The following VPS13B variants were observed in gnomAD, a reference collection of about 807,000 sequenced individuals.
VPS13B encodes intermembrane lipid transfer protein VPS13B.
In VPS13B, 285 loss-of-function variants were observed where a neutral mutation model predicts 426.4. The observed-to-expected ratio is 0.67, with a 90% CI of 0.61 to 0.74. VPS13B has a LOEUF of 0.74. Ranked by LOEUF, VPS13B falls within the 30% of genes least tolerant of loss-of-function variation. The pLI, the probability that VPS13B is intolerant of heterozygous loss-of-function variation, is 0.00. For missense variants in VPS13B, 4,537 were observed against 4,782.6 expected (o/e 0.95, Z 1.51); for synonymous variants, 1,676 against 1,676.4 (o/e 1.00, Z 0.01).
rs563957084 is a variant in VPS13B at position 99,131,966 on chromosome 8, G to A, written c.1207-2666G>A. Reference sequence around the variant, plus strand: ...GGCTGGAGTGTAGTGGTATGATTTTGGCTCACTGCAACCTCCGCCTCCCAG... The same window carrying A: ...GGCTGGAGTGTAGTGGTATGATTTTAGCTCACTGCAACCTCCGCCTCCCAG... On this transcript the variant is annotated intron_variant, in intron 8 of 61. Transcript: ENST00000357162. Among the ~76,000 whole-genome samples, 3 of 152,142 alleles carry A rather than the reference G, an allele frequency of 2.0e-5. No individual in the cohort carries two copies. The South Asian group carries it at 6.2e-4, about 32-fold the overall frequency.
chr8:99,336,222 T>C (rs1028074305), intron 19 of VPS13B, among the ~76,000 whole-genome samples: 7 of 151,922 alleles, frequency 4.6e-5, no homozygotes, highest in African/African-American at 1.7e-4. Context: ...TATCTACAAC[T>C]ATCTGATCTT....
chr8:99,091,288 C>G (rs1241150461), intron 3 of VPS13B, among the ~76,000 whole-genome samples: 1 of 152,096 alleles, frequency 6.6e-6, no homozygotes, highest in Non-Finnish European at 1.5e-5. Flanking sequence ...ATATGGTGAT[C>G]TCTTTTATTG....
chr8:99,524,722 G>A (rs963581504), intron 30 of VPS13B, among the ~76,000 whole-genome samples: 1 of 152,214 alleles, frequency 6.6e-6, no homozygotes, highest in Non-Finnish European at 1.5e-5. Context: ...GAGCACAGGA[G>A]GTTGAGGCTG....
intron 17 of VPS13B, among the ~76,000 whole-genome samples, chr8:99,214,535 A>AT (rs1056476913): frequency 1.3e-4 from 19 of 151,972 alleles, no homozygotes; most frequent in African/African-American, 1.9e-4. Context: ...ATTTTTCTTC[A>AT]TTTTTTTTAC....
intron 34 of VPS13B, among the ~76,000 whole-genome samples, chr8:99,653,790 T>A (rs746365769): frequency 3.3e-5 from 5 of 152,124 alleles, no homozygotes; most frequent in Admixed American, 6.5e-5. Context: ...ATCCCTTCCT[T>A]TTCCTGTTAC....
chr8:99,671,112 A>G (rs1830700474), intron 35 of VPS13B, among the ~76,000 whole-genome samples: 2 of 152,180 alleles, frequency 1.3e-5, no homozygotes, highest in African/African-American at 4.8e-5. Context: ...ACAATGTGCA[A>G]GGATTTCCTT....
Position 99,274,058 on chromosome 8 carries a change from A to G in VPS13B, c.2516-140A>G, listed in dbSNP as rs554775205. On this transcript the variant is annotated intron_variant, in intron 17 of 61. Coordinates refer to ENST00000357162, the MANE Select transcript of VPS13B (RefSeq NM_152564.5). ...CATCCTTTCACCTCTGAAATACTAA[A>G]CTATGAAACCTAACACAAATACTGT... The G allele has an allele frequency of 2.6e-5, 32 of 1,218,718 alleles. No homozygotes were observed. The East Asian group carries it at 5.5e-4, about 21-fold the overall frequency. The allele number at this position is 1,218,718 out of a possible 1,614,324, so 75.5% of individuals were successfully genotyped here. A position where few individuals can be genotyped will look rare whatever the true frequency, so the allele number is the denominator to read the frequency against.
rs1036862858 is a variant in VPS13B, at chr8:99,765,216, G to T, written c.7051-1558G>T. Among the ~76,000 whole-genome samples the T allele has an allele frequency of 2.6e-5, 4 of 152,214 alleles. No homozygotes were observed. The South Asian group carries it at 6.2e-4, about 24-fold the overall frequency. On this transcript the variant is annotated intron_variant, in intron 39 of 61. Transcript: ENST00000357162. ...GCTGAGATCGTACCACTTCACTCCA[G>T]CCTGGGTGAAAAAGCAAAACTCTGT...
At position 99,760,828 on chromosome 8, in the gene VPS13B, T is replaced by C. The variant is rs143803518; in HGVS notation, c.7051-5946T>C. Among the ~76,000 whole-genome samples, 963 of 152,336 alleles carry C rather than the reference T, an allele frequency of 6.3e-3. 8 individuals carry two copies. The highest frequency in any genetic ancestry group is 0.022 in the African/African-American group (905 of 41,576). On this transcript the variant is annotated intron_variant, in intron 39 of 61. Transcript: ENST00000357162. ...ACAGACTTTTCTTGTCATTATTTCC[T>C]AAACAATACAGTGTAACAACTATTT... is the stretch of plus-strand genomic sequence containing the variant.
chr8:99,032,643 C>T (rs1842568233), intron 2 of VPS13B, among the ~76,000 whole-genome samples: 1 of 151,072 alleles, frequency 6.6e-6, no homozygotes, highest in Admixed American at 6.6e-5. Context: ...CATTCTCCTG[C>T]CTCAGCCTCC....
intron 17 of VPS13B, among the ~76,000 whole-genome samples, chr8:99,195,163 T>A (rs1020491201): frequency 6.6e-6 from 1 of 152,162 alleles, no homozygotes; most frequent in African/African-American, 2.4e-5. Flanking sequence ...CCAATGGTAT[T>A]CTCTTTTTCT....
intron 44 of VPS13B, among the ~76,000 whole-genome samples, chr8:99,812,300 G>T (rs1260372747): frequency 6.6e-6 from 1 of 152,164 alleles, no homozygotes; most frequent in African/African-American, 2.4e-5. Context: ...AGAGACGTAG[G>T]ATTTCCTCAA....
intron 29 of VPS13B, among the ~76,000 whole-genome samples, chr8:99,513,808 G>GT (rs1432370035): frequency 6.6e-6 from 1 of 152,050 alleles, no homozygotes; most frequent in Non-Finnish European, 1.5e-5. Flanking sequence ...TCAGTGTGTT[G>GT]TTTTTTTCTG....
intron 12 of VPS13B, among the ~76,000 whole-genome samples, chr8:99,141,216 A>C (rs1294715235): frequency 6.6e-6 from 1 of 152,254 alleles, no homozygotes; most frequent in Non-Finnish European, 1.5e-5. Context: ...ACAAGTAAAT[A>C]GCTGAAAATA....
chr8:99,771,471 A>G (rs1811485005), intron 40 of VPS13B, among the ~76,000 whole-genome samples: 1 of 151,708 alleles, frequency 6.6e-6, no homozygotes, highest in African/African-American at 2.4e-5. Context: ...TTTTCTTCCT[A>G]CTCCCTTAAG....
At chr8:99,170,300 A>AGTGT in intron 16 of VPS13B, 137 bp downstream of exon 16, 1 of 1,070,490 alleles carries the variant, frequency 9.3e-7, no homozygotes, top group Non-Finnish European at 1.3e-6. Context: ...TTGTACTTTT[A>AGTGT]CTGAGACACT....
chr8:99,304,531 G>A (rs1350428421), intron 19 of VPS13B, among the ~76,000 whole-genome samples: 1 of 151,958 alleles, frequency 6.6e-6, no homozygotes, highest in Admixed American at 6.6e-5. Context: ...GTGCTATTCT[G>A]TAACATTGGT....
chr8:99,874,208 G>C (rs1232362935), intron 61 of VPS13B, among the ~76,000 whole-genome samples: 1 of 152,144 alleles, frequency 6.6e-6, no homozygotes, highest in Non-Finnish European at 1.5e-5. Flanking sequence ...CTGTGCTGCT[G>C]TTCAGGAGGA....
intron 19 of VPS13B, among the ~76,000 whole-genome samples, chr8:99,335,848 C>G (rs1480976726): frequency 6.6e-6 from 1 of 152,084 alleles, no homozygotes; most frequent in African/African-American, 2.4e-5. Flanking sequence ...CAAACCACTG[C>G]TCAATGAAAT....
Sources: allele counts gnomAD v4.1 joint callset (sites outside exome capture counted in the v4.1 genomes callset), GRCh38; gene constraint gnomAD v4.1.1; transcripts MANE v1.5; gene names NCBI Gene and HGNC (gene_info 2026-07-23, HGNC 2026-07-21).